Variants in XKR4 observed in about 807,000 individuals in gnomAD.
The protein encoded by XKR4 is XK related 4.
XKR4 carries 12 observed loss-of-function variants against 53.9 expected under a neutral mutation model. That is an observed-to-expected ratio of 0.22 (90% CI 0.14 to 0.36). The LOEUF is 0.36. XKR4 is among the 10% of genes least tolerant of loss of function. XKR4 has a pLI of 1.00. For synonymous variants in XKR4, 354 were observed against 362.4 expected, an observed-to-expected ratio of 0.98 and a Z score of 0.26; for missense variants, 799 against 859.5, an observed-to-expected ratio of 0.93 and a Z score of 0.88.
At chr8:55,228,058 C>A (rs1462186911) in intron 1 of XKR4, among the ~76,000 whole-genome samples, 1 of 152,178 alleles carries the variant, frequency 6.6e-6, no homozygotes, top group Non-Finnish European at 1.5e-5. Flanking sequence ...GGACACGCAC[C>A]ACCACGCCCA....
chr8:55,526,569 T>C lies in XKR4; in HGVS notation c.*2342T>C, dbSNP rs1806885557. The C allele has an allele frequency of 6.6e-6, 1 of 152,184 alleles. No homozygotes were observed. Among genetic ancestry groups the C allele is most frequent in the African/African-American group, 2.4e-5 (1 of 41,420 alleles). The allele number at this position is 152,184 out of a possible 1,614,324, so 9.4% of individuals were successfully genotyped here. A position where few individuals can be genotyped will look rare whatever the true frequency, so the allele number is the denominator to read the frequency against. On this transcript the variant is annotated 3_prime_UTR_variant, in exon 3 of 3. Coordinates refer to ENST00000327381, the MANE Select transcript of XKR4 (RefSeq NM_052898.2). ...AAACGATTTTGGCAAATTCTTCACT[T>C]TTGTGCAGAACCTTGAGTTATTAGC...
chr8:55,150,990 A>G (rs769908424), intron 1 of XKR4, among the ~76,000 whole-genome samples: 1 of 152,188 alleles, frequency 6.6e-6, no homozygotes, highest in East Asian at 1.9e-4. Flanking sequence ...CCAAGGTATG[A>G]TTGGTTGGAA....
At chr8:55,276,674 C>T (rs1818768621) in intron 1 of XKR4, among the ~76,000 whole-genome samples, 1 of 152,112 alleles carries the variant, frequency 6.6e-6, no homozygotes, top group Non-Finnish European at 1.5e-5. Flanking sequence ...TTACTGTTTT[C>T]CAAATAAGTG....
intron 1 of XKR4, among the ~76,000 whole-genome samples, chr8:55,353,484 T>G (rs531568836): frequency 7.2e-5 from 11 of 152,322 alleles, no homozygotes; most frequent in Admixed American, 5.9e-4. Context: ...AGATGCTTCC[T>G]TACAGACTTC....
At chr8:55,235,385 A>G (rs1470758409) in intron 1 of XKR4, among the ~76,000 whole-genome samples, 3 of 152,160 alleles carry the variant, frequency 2.0e-5, no homozygotes, top group Non-Finnish European at 4.4e-5. Flanking sequence ...GATTCAAACC[A>G]CTACAGTTGC....
rs1216008566 is a variant in XKR4, at chr8:55,529,874, A to C, written c.*5647A>C. 1 of 152,134 alleles carries C rather than the reference A, an allele frequency of 6.6e-6. No homozygotes were observed. Among genetic ancestry groups the C allele is most frequent in the Non-Finnish European group, 1.5e-5 (1 of 68,032 alleles). 9.4% of individuals were successfully genotyped at this position (152,134 alleles called of 1,614,324 possible). Reference sequence around the variant, plus strand: ...TGGAAGTCTCTATCACCTGTAACTAAATTTTACCTTAACTCTAACTCATAG... The same window carrying C: ...TGGAAGTCTCTATCACCTGTAACTACATTTTACCTTAACTCTAACTCATAG... On this transcript the variant is annotated 3_prime_UTR_variant, in exon 3 of 3. Transcript: ENST00000327381.
chr8:55,446,217 G>A (rs1805344292), intron 2 of XKR4, among the ~76,000 whole-genome samples: 1 of 152,184 alleles, frequency 6.6e-6, no homozygotes, highest in Non-Finnish European at 1.5e-5. Context: ...ACCTGGCCCA[G>A]CGCAAACTAA....
intron 1 of XKR4, among the ~76,000 whole-genome samples, chr8:55,227,355 C>T (rs1006015273): frequency 6.6e-6 from 1 of 152,204 alleles, no homozygotes; most frequent in Non-Finnish European, 1.5e-5. Context: ...CTATAAAGAA[C>T]CACTGAGGGA....
chr8:55,301,287 T>C (rs944889639), intron 1 of XKR4, among the ~76,000 whole-genome samples: 1 of 151,890 alleles, frequency 6.6e-6, no homozygotes, highest in African/African-American at 2.4e-5. Flanking sequence ...AGAATGATGG[T>C]TTCCAGCTTC....
intron 1 of XKR4, among the ~76,000 whole-genome samples, chr8:55,260,218 ACTCT>A (rs1383228267): frequency 4.6e-5 from 7 of 152,092 alleles, no homozygotes; most frequent in African/African-American, 1.4e-4. Flanking sequence ...CTTTAACCTG[ACTCT>A]CTCAGAGATC....
chr8:55,171,463 G>A (rs907836619), intron 1 of XKR4, among the ~76,000 whole-genome samples: 12 of 152,104 alleles, frequency 7.9e-5, no homozygotes, highest in African/African-American at 2.9e-4. Flanking sequence ...CATGGATATG[G>A]CAGGTCTTCA....
intron 1 of XKR4, among the ~76,000 whole-genome samples, chr8:55,172,905 T>A (rs1817182295): frequency 6.6e-6 from 1 of 152,232 alleles, no homozygotes; most frequent in African/African-American, 2.4e-5. Flanking sequence ...GGTTGGTTGA[T>A]CTGGTTTCGT....
chr8:55,387,565 G>C (rs1423183200), intron 2 of XKR4, among the ~76,000 whole-genome samples: 1 of 152,178 alleles, frequency 6.6e-6, no homozygotes, highest in Non-Finnish European at 1.5e-5. Context: ...CATTAACTGG[G>C]GCTCTGGGTA....
intron 1 of XKR4, among the ~76,000 whole-genome samples, chr8:55,256,247 A>G (rs1818437862): frequency 6.6e-6 from 1 of 152,326 alleles, no homozygotes. Flanking sequence ...CTTGGGTCTT[A>G]TGGATCTTAT....
chr8:55,225,377 A>G (rs1382995266), intron 1 of XKR4, among the ~76,000 whole-genome samples: 1 of 152,382 alleles, frequency 6.6e-6, no homozygotes, highest in Non-Finnish European at 1.5e-5. Context: ...TAGATTATAT[A>G]AAGAGTTAAC....
At chr8:55,253,864 G>C (rs1818395541) in intron 1 of XKR4, among the ~76,000 whole-genome samples, 1 of 151,114 alleles carries the variant, frequency 6.6e-6, no homozygotes, top group Non-Finnish European at 1.5e-5. Flanking sequence ...GGGACTGTAA[G>C]TGCACGTCAC....
intron 2 of XKR4, among the ~76,000 whole-genome samples, chr8:55,423,827 A>G (rs1563346500): frequency 6.6e-6 from 1 of 152,254 alleles, no homozygotes; most frequent in African/African-American, 2.4e-5. Flanking sequence ...GAAATGCACC[A>G]TTCTTGTCAG....
chr8:55,178,779 CT>C (rs1817267851), intron 1 of XKR4, among the ~76,000 whole-genome samples: 1 of 152,196 alleles, frequency 6.6e-6, no homozygotes, highest in South Asian at 2.1e-4. Context: ...ACTCTTCCAT[CT>C]CTAACAGTTC....
chr8:55,234,132 A>G (rs140110121), intron 1 of XKR4, among the ~76,000 whole-genome samples: 1 of 152,306 alleles, frequency 6.6e-6, no homozygotes, highest in Non-Finnish European at 1.5e-5. Context: ...AGAAGCCTTT[A>G]TTACCCACAG....
Sources: allele counts gnomAD v4.1 joint callset (sites outside exome capture counted in the v4.1 genomes callset), GRCh38; gene constraint gnomAD v4.1.1; transcripts MANE v1.5; gene names NCBI Gene and HGNC (gene_info 2026-07-23, HGNC 2026-07-21).